BTBD9: variants seen among roughly 807,000 people sequenced by gnomAD.
BTBD9 encodes BTB domain containing 9, also known as BTB/POZ domain-containing protein 9.
In BTBD9, 49 loss-of-function variants were observed where a neutral mutation model predicts 64.3. The observed-to-expected ratio is 0.76, with a 90% CI of 0.61 to 0.97. The LOEUF (loss-of-function observed/expected upper bound fraction) is 0.97, where lower values mean the gene tolerates loss of function less well. Among genes scored for constraint, BTBD9 ranks in the 50% least tolerant of loss-of-function variants. The pLI is 0.00. For missense variants in BTBD9, 598 were observed against 762.1 expected (o/e 0.78, Z 2.53); for synonymous variants, 260 against 274.7 (o/e 0.95, Z 0.53).
At chr6:38,457,665 C>T (rs1769880822) in intron 6 of BTBD9, among the ~76,000 whole-genome samples, 1 of 151,906 alleles carries the variant, frequency 6.6e-6, no homozygotes, top group South Asian at 2.1e-4. Context: ...AAGACAATGG[C>T]TAGAACACAA....
At chr6:38,620,372 CA>C (rs1206576014) in intron 1 of BTBD9, among the ~76,000 whole-genome samples, 1 of 152,198 alleles carries the variant, frequency 6.6e-6, no homozygotes, top group Non-Finnish European at 1.5e-5. Context: ...CTCTGTCTGC[CA>C]GTTTCTCTTT....
At chr6:38,204,901 GAATA>G (rs1762581986) in intron 9 of BTBD9, among the ~76,000 whole-genome samples, 1 of 151,968 alleles carries the variant, frequency 6.6e-6, no homozygotes, top group African/African-American at 2.4e-5. Flanking sequence ...TTTGAAATAG[GAATA>G]AATAAAATGA....
At position 38,180,384 on chromosome 6, in the gene BTBD9, T is replaced by C. The variant is rs1761496083; in HGVS notation, c.1642-5202A>G. Among the ~76,000 whole-genome samples, 3 of 152,134 alleles carry C rather than the reference T, an allele frequency of 2.0e-5. No individual in the cohort carries two copies. In the South Asian group the frequency reaches 6.2e-4, roughly 32 times the overall value. On this transcript the variant is annotated intron_variant, in intron 10 of 10. Coordinates refer to ENST00000481247, the MANE Select transcript of BTBD9 (RefSeq NM_001099272.2). ...GGCAGTGCTTTTTATACACAGGAGC[T>C]GGAGGAGGGTGATGGCAGCTTGGAG... is the stretch of plus-strand genomic sequence containing the variant.
At chr6:38,615,887 G>C (rs900734682) in intron 1 of BTBD9, among the ~76,000 whole-genome samples, 1 of 151,790 alleles carries the variant, frequency 6.6e-6, no homozygotes, top group Non-Finnish European at 1.5e-5. Context: ...TATGAGGATG[G>C]GATAATGTTG....
intron 6 of BTBD9, among the ~76,000 whole-genome samples, chr6:38,387,922 T>C: frequency 6.6e-6 from 1 of 152,186 alleles, no homozygotes; most frequent in African/African-American, 2.4e-5. Flanking sequence ...GCATTCTATG[T>C]TCTCAGAACT....
intron 9 of BTBD9, among the ~76,000 whole-genome samples, chr6:38,238,617 C>T (rs145330628): frequency 0.034 from 5,093 of 152,024 alleles, 157 homozygotes; most frequent in Admixed American, 0.1. Flanking sequence ...GGACTACAGG[C>T]GCCCACCACC....
At chr6:38,584,189 G>A (rs1029242784) in intron 4 of BTBD9, among the ~76,000 whole-genome samples, 2 of 152,002 alleles carry the variant, frequency 1.3e-5, no homozygotes, top group African/African-American at 2.4e-5. Flanking sequence ...TTAGCTGAGC[G>A]TGGTAGTACA....
chr6:38,380,394 G>A (rs1269426172), intron 6 of BTBD9, among the ~76,000 whole-genome samples: 1 of 152,184 alleles, frequency 6.6e-6, no homozygotes, highest in Non-Finnish European at 1.5e-5. Context: ...TATGGATAAT[G>A]CTAAACACAC....
intron 6 of BTBD9, among the ~76,000 whole-genome samples, chr6:38,380,326 T>A (rs1012695946): frequency 6.6e-6 from 1 of 152,056 alleles, no homozygotes; most frequent in Non-Finnish European, 1.5e-5. Flanking sequence ...AGAAAAATGA[T>A]CCCAGAAGGA....
intron 10 of BTBD9, chr6:38,179,892 G>A (rs1481992448): frequency 4.5e-6 from 2 of 447,754 alleles, no homozygotes; most frequent in Non-Finnish European, 9.1e-6. Flanking sequence ...AGGCAGGGAG[G>A]GGAGCTGCTT....
At chr6:38,575,991 G>A (rs992741132) in intron 6 of BTBD9, among the ~76,000 whole-genome samples, 10 of 152,144 alleles carry the variant, frequency 6.6e-5, no homozygotes, top group African/African-American at 1.9e-4. Flanking sequence ...TCAAAGGCAC[G>A]TTTCCATACA....
intron 6 of BTBD9, among the ~76,000 whole-genome samples, chr6:38,372,259 A>G (rs1263198330): frequency 6.6e-6 from 1 of 152,210 alleles, no homozygotes; most frequent in Non-Finnish European, 1.5e-5. Flanking sequence ...CTGGAAGATA[A>G]TATCTTTGTA....
intron 6 of BTBD9, among the ~76,000 whole-genome samples, chr6:38,566,624 C>G (rs1025735322): frequency 4.6e-5 from 7 of 152,138 alleles, no homozygotes; most frequent in African/African-American, 1.7e-4. Context: ...TCGAAATATT[C>G]GTTGACAGCT....
intron 6 of BTBD9, among the ~76,000 whole-genome samples, chr6:38,437,512 C>T (rs961958178): frequency 4.6e-5 from 7 of 152,240 alleles, no homozygotes; most frequent in Admixed American, 4.6e-4. Flanking sequence ...TAATATATGT[C>T]TTTTTCTGGG....
chr6:38,246,659 T>C (rs1171160735), intron 9 of BTBD9, among the ~76,000 whole-genome samples: 4 of 150,698 alleles, frequency 2.7e-5, no homozygotes, highest in Non-Finnish European at 4.4e-5. Context: ...TCAAATGCTG[T>C]GTAGAAAAAC....
intron 6 of BTBD9, among the ~76,000 whole-genome samples, chr6:38,483,996 C>T (rs537777648): frequency 1.8e-4 from 28 of 152,296 alleles, no homozygotes; most frequent in African/African-American, 4.3e-4. Flanking sequence ...ATGTAAACTG[C>T]GTTAAGCAAC....
At chr6:38,176,787 A>C (rs1485156823) in intron 10 of BTBD9, among the ~76,000 whole-genome samples, 1 of 152,110 alleles carries the variant, frequency 6.6e-6, no homozygotes, top group African/African-American at 2.4e-5. Context: ...CATCAGCTTC[A>C]CAATCTTGCA....
chr6:38,343,777 T>C (rs1764185829), intron 7 of BTBD9, among the ~76,000 whole-genome samples: 1 of 152,110 alleles, frequency 6.6e-6, no homozygotes, highest in Non-Finnish European at 1.5e-5. Context: ...CTCTAAACAC[T>C]CTCTATATTG....
intron 7 of BTBD9, among the ~76,000 whole-genome samples, chr6:38,309,837 T>C (rs974656718): frequency 2.0e-5 from 3 of 152,176 alleles, no homozygotes; most frequent in East Asian, 3.9e-4. Context: ...TCAATAACTA[T>C]AAAATTTGAT....
Sources: gnomAD v4.1 joint callset for allele counts (sites outside exome capture counted in the v4.1 genomes callset) on GRCh38, gnomAD v4.1.1 for gene constraint, MANE v1.5 for transcripts, NCBI Gene and HGNC (gene_info 2026-07-23, HGNC 2026-07-21) for gene names.